ABCD2: variants seen among roughly 807,000 people sequenced by gnomAD.
ABCD2 encodes the protein ATP binding cassette subfamily D member 2.
A neutral mutation model predicts 70.9 loss-of-function variants in ABCD2; 36 were observed. The ratio of observed to expected loss-of-function variants is 0.51; its 90% CI spans 0.39 to 0.67. ABCD2 has a LOEUF of 0.67. ABCD2 is among the 30% of genes least tolerant of loss of function. ABCD2 has a pLI of 0.00. For missense variants in ABCD2, 729 were observed against 890.2 expected (o/e 0.82, Z 2.30); for synonymous variants, 304 against 306.9 (o/e 0.99, Z 0.10).
intron 9 of ABCD2, among the ~76,000 whole-genome samples, chr12:39,570,898 A>T (rs1180849572): frequency 1.3e-5 from 2 of 152,162 alleles, no homozygotes; most frequent in Admixed American, 6.5e-5. Context: ...ACTAAATAGC[A>T]AGAAAATGAA....
rs546812988 is a variant in ABCD2, at chr12:39,566,080, C to T, written c.2003+7636G>A. On this transcript the variant is annotated intron_variant, in intron 9 of 9. Coordinates refer to ENST00000308666, the MANE Select transcript of ABCD2 (RefSeq NM_005164.4). Reference sequence around the variant, plus strand: ...ATCAATGTTCATCTGGGATATTGGTCTAAAATTCTCTTTTTTTGTTGTGTC... The same window carrying T: ...ATCAATGTTCATCTGGGATATTGGTTTAAAATTCTCTTTTTTTGTTGTGTC... Among the ~76,000 whole-genome samples the T allele has an allele frequency of 7.9e-5, 12 of 152,240 alleles. No individual in the cohort carries two copies. In the East Asian group the frequency reaches 2.3e-3, roughly 29 times the overall value.
chr12:39,578,583 A>G (rs1312176741), intron 8 of ABCD2, among the ~76,000 whole-genome samples: 7 of 151,766 alleles, frequency 4.6e-5, no homozygotes, highest in Non-Finnish European at 1.5e-5. Flanking sequence ...GGGGAATGGA[A>G]TGAATCAGGA....
At chr12:39,561,562 T>C (rs775504598) in intron 9 of ABCD2, among the ~76,000 whole-genome samples, 1 of 152,140 alleles carries the variant, frequency 6.6e-6, no homozygotes, top group African/African-American at 2.4e-5. Context: ...GCTATACTAA[T>C]GTCAGGTAAA....
At chr12:39,616,911 C>A (rs1160848166) in intron 2 of ABCD2, 77 bp downstream of exon 2, 2 of 1,336,828 alleles carry the variant, frequency 1.5e-6, no homozygotes, top group Non-Finnish European at 2.0e-6. Context: ...CAGTTTAGCT[C>A]ACATAAAACT....
At chr12:39,534,798 G>GAAAGAAAGA in the ABCD2 span, among the ~76,000 whole-genome samples, 7 of 116,576 alleles carry the variant, frequency 6.0e-5, no homozygotes, top group African/African-American at 2.2e-4. Flanking sequence ...AAGAAAGAAA[G>GAAAGAAAGA]AAAGAAAGAA....
At chr12:39,556,610 T>C (rs143687299) in intron 9 of ABCD2, among the ~76,000 whole-genome samples, 13 of 152,274 alleles carry the variant, frequency 8.5e-5, no homozygotes, top group Non-Finnish European at 1.8e-4. Context: ...CCTTTATAAA[T>C]TACCCGGTCT....
In ABCD2 at chr12:39,619,216, T is replaced by A; in HGVS notation, c.400A>T (p.Ser134Cys). The change falls in exon 1 of 10, where the codon AGC becomes TGC. Residue 134 changes from serine (S) to cysteine (C), a missense_variant. Physicochemically the swap from Ser to Cys is moderately radical, Grantham distance 112. Coordinates refer to ENST00000308666, the MANE Select transcript of ABCD2 (RefSeq NM_005164.4). ...VAGLDGKIVK[S>C]IVEKKPRTFI... ...GTCCGAGGCTTCTTTTCCACAATGCTTTTCACGATTTTTCCATCCAGACCA... is the reference window on the plus strand; with the variant it reads ...GTCCGAGGCTTCTTTTCCACAATGCATTTCACGATTTTTCCATCCAGACCA... 1 of 1,614,122 alleles carries A rather than the reference T, an allele frequency of 6.2e-7. No homozygotes were observed. Among genetic ancestry groups the A allele is most frequent in the Non-Finnish European group, 8.5e-7 (1 of 1,180,014 alleles).
chr12:39,586,966 T>C (rs1012942554), intron 6 of ABCD2, among the ~76,000 whole-genome samples: 1 of 152,178 alleles, frequency 6.6e-6, no homozygotes, highest in Non-Finnish European at 1.5e-5. Context: ...GGTAAGGGAA[T>C]GTTCTCACAC....
chr12:39,545,224 C>G (rs757154489), downstream of ABCD2, among the ~76,000 whole-genome samples: 1 of 152,186 alleles, frequency 6.6e-6, no homozygotes, highest in Non-Finnish European at 1.5e-5. Context: ...TTCACTTAGA[C>G]TAACAAAGCC....
At chr12:39,584,497 G>C (rs530828134) in intron 7 of ABCD2, among the ~76,000 whole-genome samples, 5 of 152,058 alleles carry the variant, frequency 3.3e-5, no homozygotes, top group Admixed American at 6.5e-5. Context: ...AGTTTCTTTT[G>C]CTGTGCAGAA....
At chr12:39,581,904 A>G (rs1236322392) in intron 7 of ABCD2, among the ~76,000 whole-genome samples, 3 of 152,174 alleles carry the variant, frequency 2.0e-5, no homozygotes, top group Non-Finnish European at 4.4e-5. Context: ...CCTGCTTCCT[A>G]GAGATGTATA....
At chr12:39,549,643 C>A (rs1358476795), downstream of ABCD2, among the ~76,000 whole-genome samples, 3 of 151,742 alleles carry the variant, frequency 2.0e-5, no homozygotes, top group Non-Finnish European at 4.4e-5. Flanking sequence ...ATGAAAAGTG[C>A]ATCTATCTGT....
At chr12:39,571,978 C>T (rs143852212) in intron 9 of ABCD2, among the ~76,000 whole-genome samples, 25 of 152,144 alleles carry the variant, frequency 1.6e-4, no homozygotes, top group Admixed American at 5.9e-4. Flanking sequence ...GAAATGACAA[C>T]CTGAAATGGC....
rs1209441477 is a variant in ABCD2 at position 39,560,180 on chromosome 12, GC to G, written c.2004-6050del. Among the ~76,000 whole-genome samples the G allele has an allele frequency of 1.5e-4, 23 of 152,146 alleles. No individual in the cohort carries two copies. The East Asian group carries it at 4.4e-3, about 29-fold the overall frequency. On this transcript the variant is annotated intron_variant, in intron 9 of 9. Transcript: ENST00000308666. ...CCCTGCTGCCCCCACCCCACAACAG[GC>G]CCCGGTGTGTGATGTTCCCCTTCCT...
At chr12:39,548,469 A>T (rs571587690), downstream of ABCD2, among the ~76,000 whole-genome samples, 4 of 152,112 alleles carry the variant, frequency 2.6e-5, no homozygotes, top group African/African-American at 9.6e-5. Flanking sequence ...AGCTAGCCTA[A>T]AAAAGGGGAC....
At chr12:39,559,394 A>AG (rs1941219193) in intron 9 of ABCD2, among the ~76,000 whole-genome samples, 1 of 151,464 alleles carries the variant, frequency 6.6e-6, no homozygotes, top group Non-Finnish European at 1.5e-5. Context: ...AAAAAAAAAA[A>AG]AAAAAAAGGA....
chr12:39,537,756 G>A, the ABCD2 span, among the ~76,000 whole-genome samples: 1 of 152,134 alleles, frequency 6.6e-6, no homozygotes, highest in South Asian at 2.1e-4. Flanking sequence ...TGATTTACAA[G>A]GACAAAATGA....
At chr12:39,618,595 C>T in intron 1 of ABCD2, 82 bp downstream of exon 1, 1 of 1,306,510 alleles carries the variant, frequency 7.7e-7, no homozygotes, top group African/African-American at 1.5e-5. Context: ...GGTCCATCGA[C>T]AGGACAACAG....
At position 39,613,242 on chromosome 12, in the gene ABCD2, C is replaced by T. The variant is rs573486273; in HGVS notation, c.1120+3746G>A. ...TCTACTAAAAATACAAAAAATTAGC[C>T]GGGCGTAGTGGCGGGCGCCTGTAGT... On this transcript the variant is annotated intron_variant, in intron 2 of 9. Transcript: ENST00000308666. Among the ~76,000 whole-genome samples, 47 of 124,226 alleles carry T rather than the reference C, an allele frequency of 3.8e-4. 5 individuals are homozygous for T. The East Asian group carries it at 9.1e-3, about 24-fold the overall frequency. 81.5% of individuals were successfully genotyped at this position (124,226 alleles called of 152,430 possible).
Sources: gnomAD v4.1 joint callset for allele counts (sites outside exome capture counted in the v4.1 genomes callset) on GRCh38, gnomAD v4.1.1 for gene constraint, MANE v1.5 for transcripts, NCBI Gene and HGNC (gene_info 2026-07-23, HGNC 2026-07-21) for gene names.